IGHMBP2: variants seen among roughly 807,000 people sequenced by gnomAD.
IGHMBP2 encodes DNA-binding protein SMUBP-2.
Under a neutral mutation model 96.0 loss-of-function variants are expected in IGHMBP2, and 81 were observed. That is an observed-to-expected ratio of 0.84 (90% CI 0.71 to 1.01). The LOEUF (loss-of-function observed/expected upper bound fraction) is 1.01, where lower values mean the gene tolerates loss of function less well. IGHMBP2 is among the 50% of genes least tolerant of loss of function. IGHMBP2 has a pLI of 0.00. For synonymous variants in IGHMBP2, 557 were observed against 548.9 expected, an observed-to-expected ratio of 1.01 and a Z score of -0.21; for missense variants, 1,227 against 1,306.3, an observed-to-expected ratio of 0.94 and a Z score of 0.94.
At chr11:68,930,470 AGT>A (rs1859247654) in intron 8 of IGHMBP2, 4 of 1,282,250 alleles carry the variant, frequency 3.1e-6, no homozygotes, top group Middle Eastern at 2.1e-4. Flanking sequence ...AGTAATTGAG[AGT>A]GAGCTTTGGG....
At chr11:68,928,425 G>A (rs938966048) in intron 7 of IGHMBP2, among the ~76,000 whole-genome samples, 1 of 152,180 alleles carries the variant, frequency 6.6e-6, no homozygotes, top group African/African-American at 2.4e-5. Context: ...TTCTCAGTAT[G>A]TCTTCATCAT....
At chr11:68,927,506 G>A (rs1384649679) in intron 7 of IGHMBP2, among the ~76,000 whole-genome samples, 1 of 152,186 alleles carries the variant, frequency 6.6e-6, no homozygotes, top group Non-Finnish European at 1.5e-5. Context: ...AGAGCTGAGG[G>A]CCTCCCGAGG....
chr11:68,918,335 T>C (rs571584292), intron 7 of IGHMBP2, among the ~76,000 whole-genome samples: 2 of 151,788 alleles, frequency 1.3e-5, no homozygotes, highest in African/African-American at 4.8e-5. Flanking sequence ...TATACATACA[T>C]ATATATTTTA....
intron 1 of IGHMBP2, among the ~76,000 whole-genome samples, chr11:68,905,851 T>C (rs1287386211): frequency 6.6e-6 from 1 of 152,198 alleles, no homozygotes; most frequent in Non-Finnish European, 1.5e-5. Context: ...TTGAAAGATC[T>C]GTCTCAGGTA....
At chr11:68,909,185 T>C (rs923303240) in intron 4 of IGHMBP2, among the ~76,000 whole-genome samples, 119 of 11,064 alleles carry the variant, frequency 0.011, 1 homozygote, top group African/African-American at 0.014. Context: ...GCGGGGGGGG[T>C]GGAGGGGGGG....
chr11:68,915,132 C>A, intron 6 of IGHMBP2, 109 bp downstream of exon 6: 1 of 528,284 alleles, frequency 1.9e-6, no homozygotes, highest in Non-Finnish European at 3.2e-6. Flanking sequence ...TTGCTTCTGT[C>A]GATTCCTTTA....
rs746624957 is a variant in IGHMBP2, at chr11:68,934,465, C to G, written c.1539C>G (p.Gly513=). ...CACCCGTTCTTTCTTTCCCTCCAGGCGAAGTCCGCCTCGTCAGTTTGCACA... is the reference window on the plus strand; with the variant it reads ...CACCCGTTCTTTCTTTCCCTCCAGGGGAAGTCCGCCTCGTCAGTTTGCACA... ...EEDEQSKGNP[G]EVRLVSLHIQ... Residue 513 remains glycine (G), a splice_region_variant and synonymous_variant, in exon 11 of 15, where the codon GGC becomes GGG. Transcript: ENST00000255078. 6.2e-7 allele frequency: 1 copy of G among 1,605,598 alleles called. No individual in the cohort carries two copies. The highest frequency in any genetic ancestry group is 8.5e-7 in the Non-Finnish European group (1 of 1,175,618).
At chr11:68,921,724 C>A (rs933400475) in intron 7 of IGHMBP2, among the ~76,000 whole-genome samples, 6 of 152,120 alleles carry the variant, frequency 3.9e-5, no homozygotes. Flanking sequence ...GCTTTGTTTT[C>A]TTTTGGTTTA....
intron 8 of IGHMBP2, chr11:68,929,828 C>G (rs1456097979): frequency 1.0e-6 from 1 of 984,880 alleles, no homozygotes; most frequent in African/African-American, 1.8e-5. Context: ...AGCCCTGATG[C>G]AGTGGCCTGG....
intron 7 of IGHMBP2, among the ~76,000 whole-genome samples, chr11:68,927,537 T>A (rs4930252): frequency 0.2 from 30,658 of 152,128 alleles, 3,353 homozygotes; most frequent in Non-Finnish European, 0.25. Flanking sequence ...GCCCTGTACA[T>A]GTGTGTGGCC....
At chr11:68,936,094 C>A in intron 12 of IGHMBP2, 143 bp from the exon 13 acceptor site, 1 of 894,826 alleles carries the variant, frequency 1.1e-6, no homozygotes, top group East Asian at 2.4e-5. Context: ...ATCACGGTGC[C>A]ACGCGTGGCC....
chr11:68,933,552 C>T lies in IGHMBP2; in HGVS notation c.1418+71C>T, dbSNP rs1004167319. 3.9e-4 allele frequency: 585 copies of T among 1,507,322 alleles called. 1 individual carries two copies. The highest frequency in any genetic ancestry group is 5.0e-4 in the Non-Finnish European group (554 of 1,101,778). 93.4% of individuals were successfully genotyped at this position (1,507,322 alleles called of 1,614,324 possible). Reference sequence around the variant, plus strand: ...TAATCCTCTGCGTCACCTGTTTCTACGCAGCAAGCTAAAGTGAAGCTTTCT... The same window carrying T: ...TAATCCTCTGCGTCACCTGTTTCTATGCAGCAAGCTAAAGTGAAGCTTTCT... On this transcript the variant is annotated intron_variant, in intron 9 of 14. Transcript: ENST00000255078.
chr11:68,938,751 C>A (rs1468334681), intron 14 of IGHMBP2, among the ~76,000 whole-genome samples: 1 of 151,878 alleles, frequency 6.6e-6, no homozygotes, highest in African/African-American at 2.4e-5. Context: ...TTGATGAGAA[C>A]CCCCTGGGCC....
chr11:68,926,899 G>A lies in IGHMBP2; in HGVS notation c.1061-2284G>A, dbSNP rs147590303. Among the ~76,000 whole-genome samples the A allele has an allele frequency of 5.5e-3, 830 of 152,260 alleles. 6 individuals are homozygous for A. Among genetic ancestry groups the A allele is most frequent in the Admixed American group, 9.0e-3 (137 of 15,302 alleles). ...TCCTGCCTTAGCCTCCTGAGTAGCT[G>A]GGATTACAGGCGTCCACCACCACGC... On this transcript the variant is annotated intron_variant, in intron 7 of 14. Coordinates refer to ENST00000255078, the MANE Select transcript of IGHMBP2 (RefSeq NM_002180.3).
At position 68,936,290 on chromosome 11, in the gene IGHMBP2, G is replaced by A. The variant is rs1240484547; in HGVS notation, c.1810G>A (p.Ala604Thr). 1.2e-6 allele frequency: 2 copies of A among 1,614,186 alleles called. No individual in the cohort carries two copies. The highest frequency in any genetic ancestry group is 3.3e-5 in the Admixed American group (2 of 60,032). ...DRRINVAVTR[A>T]RRHVAVICDS... is the part of the protein sequence containing the mutation. Reference sequence around the variant, plus strand: ...GAGGATCAACGTGGCTGTCACCCGTGCCCGACGCCACGTGGCGGTCATCTG... The same window carrying A: ...GAGGATCAACGTGGCTGTCACCCGTACCCGACGCCACGTGGCGGTCATCTG... The change falls in exon 13 of 15, where the codon GCC (alanine) becomes ACC (threonine). Residue 604 changes from alanine to threonine, a missense_variant. Physicochemically the swap from Ala to Thr is moderately conservative, Grantham distance 58. This residue lies in a region of IGHMBP2 where 703 missense variants were observed against 770.3 expected (regional missense o/e 0.91). Transcript: ENST00000255078.
chr11:68,939,470 C>T lies in IGHMBP2; in HGVS notation c.2785-64C>T. 3.8e-6 allele frequency: 6 copies of T among 1,562,512 alleles called. No homozygotes were observed. The South Asian group carries it at 4.5e-5, about 12-fold the overall frequency. ...TGTGGCCCCCCAGCTCTTTGATAGG[C>T]AGAGCTGCAGGATCTGCCTCCTTGC... On this transcript the variant is annotated intron_variant, in intron 14 of 14. Transcript: ENST00000255078.
chr11:68,936,843 G>C lies in IGHMBP2; in HGVS notation c.2363G>C (p.Arg788Pro), dbSNP rs769685389. Residue 788 changes from arginine to proline, a missense_variant, in exon 13 of 15, where the codon CGA becomes CCA. Transcript: ENST00000255078. ...RFITVSKRAP[R>P]PRAALGPPAG... ...ATCACTGTGAGCAAGAGGGCCCCGC[G>C]ACCCCGAGCAGCCCTGGGACCCCCA... 3.7e-6 allele frequency: 6 copies of C among 1,613,278 alleles called. No individual in the cohort carries two copies. Among genetic ancestry groups the C allele is most frequent in the Non-Finnish European group, 4.2e-6 (5 of 1,179,992 alleles).
intron 10 of IGHMBP2, 147 bp from the exon 11 acceptor site, chr11:68,934,317 G>C: frequency 1.4e-6 from 1 of 706,024 alleles, no homozygotes; most frequent in Non-Finnish European, 2.6e-6. Flanking sequence ...TGGGGCCCTG[G>C]GACACAGATG....
rs1304643636 is a variant in IGHMBP2, at chr11:68,906,084, C to T, written c.102C>T (p.Asn34=). The T allele has an allele frequency of 1.2e-6, 2 of 1,614,064 alleles. No homozygotes were observed. Among genetic ancestry groups the T allele is most frequent in the South Asian group, 1.1e-5 (1 of 91,078 alleles). The change falls in exon 2 of 15, where the codon AAC becomes AAT. Residue 34 remains asparagine, a synonymous_variant. Transcript: ENST00000255078. ...TGTCTTCCAGGTCCTGGCAGGAGAA[C>T]ATCTCTCTGAAAGAGCTCCAGAGCC... ...EVEERRSWQE[N]ISLKELQSRG... is the part of the protein sequence containing the mutation.
Sources: gnomAD v4.1 joint callset for allele counts (sites outside exome capture counted in the v4.1 genomes callset) on GRCh38, gnomAD v4.1.1 for gene constraint, gnomAD v4.1.1 regional missense constraint, MANE v1.5 for transcripts, NCBI Gene and HGNC (gene_info 2026-07-23, HGNC 2026-07-21) for gene names.